The following ZC3H13 variants were observed in gnomAD, a reference collection of about 807,000 sequenced individuals.
The protein encoded by ZC3H13 is zinc finger CCCH domain-containing protein 13.
In ZC3H13, 64 loss-of-function variants were observed where a neutral mutation model predicts 204.1. That is an observed-to-expected ratio of 0.31 (90% CI 0.26 to 0.39). The LOEUF (loss-of-function observed/expected upper bound fraction) is 0.39, where lower values mean the gene tolerates loss of function less well. Among genes scored for constraint, ZC3H13 ranks in the 10% least tolerant of loss-of-function variants. The pLI, the probability that ZC3H13 is intolerant of heterozygous loss-of-function variation, is 1.00. For synonymous variants in ZC3H13, 667 were observed against 693.7 expected (o/e 0.96, Z 0.60); for missense variants, 1,833 against 2,082.7 (o/e 0.88, Z 2.33).
At chr13:46,052,324 G>T (rs372305727) in intron 1 of ZC3H13, 80 bp downstream of exon 1, 2 of 390,302 alleles carry the variant, frequency 5.1e-6, no homozygotes, top group Admixed American at 4.5e-5. Context: ...CAAAGACGGG[G>T]GGGGGTAACC....
chr13:46,017,577 A>C (rs996811721), intron 5 of ZC3H13, among the ~76,000 whole-genome samples: 67 of 152,312 alleles, frequency 4.4e-4, no homozygotes, highest in African/African-American at 1.5e-3. Flanking sequence ...ATGAATGAAT[A>C]CATAAATATT....
intron 18 of ZC3H13, among the ~76,000 whole-genome samples, chr13:45,957,523 G>A (rs776589064): frequency 6.6e-5 from 10 of 152,182 alleles, no homozygotes; most frequent in Non-Finnish European, 1.3e-4. Context: ...CTTGCTTAAA[G>A]TAGGAATCCT....
intron 7 of ZC3H13, among the ~76,000 whole-genome samples, chr13:46,005,005 A>T (rs1274242987): frequency 6.6e-6 from 1 of 152,206 alleles, no homozygotes; most frequent in East Asian, 1.9e-4. Flanking sequence ...TAGCATTTTC[A>T]TGTCAAAATC....
intron 10 of ZC3H13, among the ~76,000 whole-genome samples, chr13:45,984,333 T>C (rs1022359966): frequency 1.3e-5 from 2 of 152,180 alleles, no homozygotes; most frequent in African/African-American, 4.8e-5. Flanking sequence ...TTTCACTATA[T>C]ATCCTTTTAT....
chr13:46,043,306 A>AC (rs1415121732), intron 3 of ZC3H13, among the ~76,000 whole-genome samples: 1 of 152,000 alleles, frequency 6.6e-6, no homozygotes, highest in Non-Finnish European at 1.5e-5. Flanking sequence ...GAGTTAATTC[A>AC]CTTTAAAGGA....
rs1954077120 is a variant in ZC3H13 at position 45,985,326 on chromosome 13, C to T, written c.1691G>A (p.Arg564Lys). The change falls in exon 10 of 19, where the codon AGG becomes AAG. Residue 564 changes from arginine to lysine, a missense_variant. Coordinates refer to ENST00000679008, the MANE Select transcript of ZC3H13 (RefSeq NM_001330564.2). ...EIRNDRMGRS[R>K]GRVPELPEKG... is the part of the protein sequence containing the mutation. ...TTCAGGTAACTCAGGAACCCTCCCCCTACTTCGGCCCATTCGGTCATTTCT... is the reference window on the plus strand; with the variant it reads ...TTCAGGTAACTCAGGAACCCTCCCCTTACTTCGGCCCATTCGGTCATTTCT... 1 of 1,613,778 alleles carries T rather than the reference C, an allele frequency of 6.2e-7. No individual in the cohort carries two copies. The highest frequency in any genetic ancestry group is 1.7e-5 in the Admixed American group (1 of 59,980).
At position 46,040,706 on chromosome 13, in the gene ZC3H13, C is replaced by T. The variant is rs536360082; in HGVS notation, c.339+1458G>A. Among the ~76,000 whole-genome samples, 5 of 152,168 alleles carry T rather than the reference C, an allele frequency of 3.3e-5. No homozygotes were observed. In the South Asian group the frequency reaches 1.0e-3, roughly 32 times the overall value. ...AGAAAAGATCTGCAAGTTACATATA[C>T]GATAAGGGACTTGTATCCAAAATAA... On this transcript the variant is annotated intron_variant, in intron 4 of 18. Coordinates refer to ENST00000679008, the MANE Select transcript of ZC3H13 (RefSeq NM_001330564.2).
At chr13:45,998,141 A>C (rs372205526) in intron 8 of ZC3H13, among the ~76,000 whole-genome samples, 41 of 152,328 alleles carry the variant, frequency 2.7e-4, no homozygotes, top group Middle Eastern at 3.4e-3. Flanking sequence ...TTAACCTTTA[A>C]TTACATTCCT....
At chr13:45,991,030 G>C (rs973864146) in intron 8 of ZC3H13, among the ~76,000 whole-genome samples, 6 of 152,036 alleles carry the variant, frequency 3.9e-5, no homozygotes, top group Admixed American at 1.3e-4. Flanking sequence ...TTGAACTCCT[G>C]GGCTCAAGCC....
intron 8 of ZC3H13, among the ~76,000 whole-genome samples, chr13:45,993,711 T>C (rs1651592427): frequency 6.6e-6 from 1 of 152,242 alleles, no homozygotes; most frequent in Non-Finnish European, 1.5e-5. Context: ...CTGTGTGATT[T>C]GTTTTACACC....
chr13:45,958,695 G>A (rs1206022333), intron 18 of ZC3H13, among the ~76,000 whole-genome samples: 11 of 123,750 alleles, frequency 8.9e-5, no homozygotes, highest in East Asian at 2.4e-4. Context: ...TTGCTTTGTC[G>A]CCCAGGCTGG....
chr13:45,969,591 T>C lies in ZC3H13; in HGVS notation c.2953A>G (p.Thr985Ala). The change falls in exon 14 of 19, where the codon ACA becomes GCA. Residue 985 changes from threonine (T) to alanine (A), a missense_variant. Around this residue, in one of 5 missense-constraint regions of ZC3H13, gnomAD observed 1,574 missense variants for 1,757.2 expected, o/e 0.90. Coordinates refer to ENST00000679008, the MANE Select transcript of ZC3H13 (RefSeq NM_001330564.2). Reference protein sequence around the residue: ...VGIERGNIETTSEDGQVFSPK... With the variant: ...VGIERGNIETASEDGQVFSPK... ...GAAAATACTTGACCATCTTCAGATG[T>C]TGTCTCTATGTTACCCCTCTCTATT... is the stretch of plus-strand genomic sequence containing the variant. 6.2e-7 allele frequency: 1 copy of C among 1,611,508 alleles called. No homozygotes were observed. The highest frequency in any genetic ancestry group is 8.5e-7 in the Non-Finnish European group (1 of 1,179,478).
chr13:46,003,641 G>GC (rs1555287570), intron 7 of ZC3H13, among the ~76,000 whole-genome samples: 3 of 150,842 alleles, frequency 2.0e-5, no homozygotes, highest in East Asian at 3.9e-4. Context: ...TGTTTAAACT[G>GC]TTTTTTTTTA....
At chr13:46,027,592 C>CTG in intron 4 of ZC3H13, among the ~76,000 whole-genome samples, 1 of 152,262 alleles carries the variant, frequency 6.6e-6, no homozygotes, top group East Asian at 1.9e-4. Context: ...TAAAATAGTA[C>CTG]CAAACCCAGT....
chr13:45,959,053 T>C (rs1203696820), intron 18 of ZC3H13, among the ~76,000 whole-genome samples: 1 of 152,200 alleles, frequency 6.6e-6, no homozygotes, highest in East Asian at 1.9e-4. Flanking sequence ...TTTCTATTCC[T>C]CTTACTTCTC....
intron 11 of ZC3H13, among the ~76,000 whole-genome samples, chr13:45,979,297 G>A (rs572020689): frequency 3.9e-5 from 6 of 152,104 alleles, no homozygotes; most frequent in Admixed American, 2.0e-4. Flanking sequence ...ATATAAGAAC[G>A]TAAAATTAGC....
chr13:46,021,223 T>C (rs2042200270), intron 4 of ZC3H13, among the ~76,000 whole-genome samples: 1 of 152,006 alleles, frequency 6.6e-6, no homozygotes. Context: ...TCACTACTGC[T>C]GCTAAAAAAC....
intron 7 of ZC3H13, among the ~76,000 whole-genome samples, chr13:46,007,996 T>C (rs1367889567): frequency 6.6e-6 from 1 of 152,164 alleles, no homozygotes; most frequent in African/African-American, 2.4e-5. Flanking sequence ...AGGACAAATC[T>C]TACTATCAGA....
chr13:46,029,506 G>C (rs1420019832), intron 4 of ZC3H13, among the ~76,000 whole-genome samples: 1 of 145,310 alleles, frequency 6.9e-6, no homozygotes, highest in Non-Finnish European at 1.5e-5. Flanking sequence ...TCGGCTCACT[G>C]CAAGCTCCGC....
Sources: allele counts gnomAD v4.1 joint callset (sites outside exome capture counted in the v4.1 genomes callset), GRCh38; gene constraint gnomAD v4.1.1; regional missense constraint gnomAD v4.1.1; transcripts MANE v1.5; gene names NCBI Gene and HGNC (gene_info 2026-07-23, HGNC 2026-07-21).